GBE1: variants seen among roughly 807,000 people sequenced by gnomAD.
GBE1 encodes the protein 1,4-alpha-glucan-branching enzyme.
GBE1 carries 70 observed loss-of-function variants against 88.8 expected under a neutral mutation model. The ratio of observed to expected loss-of-function variants is 0.79; its 90% CI spans 0.65 to 0.96. GBE1 has a LOEUF of 0.96. Ranked by LOEUF, GBE1 falls within the 40% of genes least tolerant of loss-of-function variation. The pLI, the probability that GBE1 is intolerant of heterozygous loss-of-function variation, is 0.00. For synonymous variants in GBE1, 284 were observed against 300.1 expected (o/e 0.95, Z 0.56); for missense variants, 872 against 871.0 (o/e 1.00, Z -0.01).
chr3:81,708,828 A>T, intron 1 of GBE1, among the ~76,000 whole-genome samples: 1 of 152,168 alleles, frequency 6.6e-6, no homozygotes, highest in Non-Finnish European at 1.5e-5. Flanking sequence ...TATGACAACC[A>T]TCAAAAAAAA....
intron 12 of GBE1, among the ~76,000 whole-genome samples, chr3:81,574,109 T>G (rs1214364771): frequency 1.3e-5 from 2 of 152,092 alleles, no homozygotes; most frequent in African/African-American, 4.8e-5. Flanking sequence ...ATAACATAAA[T>G]TAGGAAAAGA....
intron 15 of GBE1, among the ~76,000 whole-genome samples, chr3:81,491,455 A>G (rs1389728444): frequency 1.3e-5 from 2 of 152,242 alleles, no homozygotes; most frequent in Non-Finnish European, 2.9e-5. Context: ...AACAATGAAC[A>G]AAGGAATAAT....
At chr3:81,502,079 G>A (rs559494634) in intron 14 of GBE1, among the ~76,000 whole-genome samples, 5 of 148,018 alleles carry the variant, frequency 3.4e-5, no homozygotes, top group African/African-American at 7.5e-5. Context: ...ATATTTAATC[G>A]TTATTTTCAA....
At chr3:81,555,142 C>T (rs1397274232) in intron 12 of GBE1, among the ~76,000 whole-genome samples, 1 of 152,182 alleles carries the variant, frequency 6.6e-6, no homozygotes, top group Non-Finnish European at 1.5e-5. Flanking sequence ...TCAGCTCTCT[C>T]GCTTTGCTCT....
intron 1 of GBE1, among the ~76,000 whole-genome samples, chr3:81,751,401 G>A (rs762275393): frequency 6.6e-6 from 1 of 152,218 alleles, no homozygotes; most frequent in Non-Finnish European, 1.5e-5. Flanking sequence ...AGATGTGTGT[G>A]CCACTGAAAG....
At chr3:81,504,270 A>C (rs1458251094) in intron 14 of GBE1, among the ~76,000 whole-genome samples, 1 of 151,572 alleles carries the variant, frequency 6.6e-6, no homozygotes, top group Non-Finnish European at 1.5e-5. Context: ...TAAAAATAGA[A>C]AAATCAGATA....
At chr3:81,552,006 C>A (rs1559642595) in intron 12 of GBE1, among the ~76,000 whole-genome samples, 1 of 152,112 alleles carries the variant, frequency 6.6e-6, no homozygotes, top group Non-Finnish European at 1.5e-5. Context: ...CCCAGTCCTC[C>A]CCCTGATAAA....
At chr3:81,668,442 G>C (rs1705144291) in intron 3 of GBE1, among the ~76,000 whole-genome samples, 1 of 152,208 alleles carries the variant, frequency 6.6e-6, no homozygotes, top group African/African-American at 2.4e-5. Context: ...AATGTAGGGT[G>C]AGCCAGTAAT....
At chr3:81,734,967 ACCTGGGAT>A (rs1315235835) in intron 1 of GBE1, among the ~76,000 whole-genome samples, 1 of 152,102 alleles carries the variant, frequency 6.6e-6, no homozygotes, top group East Asian at 1.9e-4. Context: ...GCTCCATCTC[ACCTGGGAT>A]CTGAATCATC....
intron 2 of GBE1, among the ~76,000 whole-genome samples, chr3:81,673,051 T>C (rs1705209957): frequency 6.6e-6 from 1 of 151,878 alleles, no homozygotes; most frequent in Non-Finnish European, 1.5e-5. Context: ...CTCTACAAGT[T>C]TGGTGCTGCT....
intron 3 of GBE1, among the ~76,000 whole-genome samples, chr3:81,657,782 C>T (rs1245243054): frequency 6.6e-6 from 1 of 152,034 alleles, no homozygotes; most frequent in African/African-American, 2.4e-5. Flanking sequence ...TTCTTTGCCT[C>T]ATAATTTAGT....
intron 3 of GBE1, among the ~76,000 whole-genome samples, chr3:81,670,082 A>G (rs182032798): frequency 6.6e-6 from 1 of 152,360 alleles, no homozygotes; most frequent in African/African-American, 2.4e-5. Flanking sequence ...TTATATGACC[A>G]TGGAGTAAAA....
At chr3:81,612,579 T>A (rs1704197603) in intron 7 of GBE1, 2 of 685,366 alleles carry the variant, frequency 2.9e-6, no homozygotes, top group Admixed American at 1.8e-5. Context: ...ACCCCCAAAT[T>A]TGGGATGTTG....
chr3:81,737,506 C>A (rs1479070175), intron 1 of GBE1, among the ~76,000 whole-genome samples: 2 of 148,496 alleles, frequency 1.3e-5, no homozygotes, highest in Non-Finnish European at 3.0e-5. Context: ...ATGTGTGCCA[C>A]AGACCACTGC....
chr3:81,513,000 G>T (rs1702745984), intron 14 of GBE1, among the ~76,000 whole-genome samples: 1 of 151,592 alleles, frequency 6.6e-6, no homozygotes, highest in South Asian at 2.1e-4. Context: ...TTATACTAGA[G>T]TTTTTCAGTT....
At position 81,586,160 on chromosome 3, in the gene GBE1, G is replaced by C; in HGVS notation, c.1267C>G (p.Pro423Ala). The change falls in exon 10 of 16, where the codon CCA becomes GCA. Residue 423 changes from proline (P) to alanine (A), a missense_variant. By Grantham distance (27) the Pro-to-Ala change is conservative (BLOSUM62 -1). Transcript: ENST00000429644. ...DVSGMPALCS[P>A]ISQGGGGFDY... ...AAACCACCCCCTCCCTGGGAAATTG[G>C]AGAGCACAGAGCTGGCATTCCTGAT... 1 of 1,608,964 alleles carries C rather than the reference G, an allele frequency of 6.2e-7. No homozygotes were observed.
At chr3:81,677,432 G>A (rs1398886875) in intron 2 of GBE1, among the ~76,000 whole-genome samples, 1 of 152,308 alleles carries the variant, frequency 6.6e-6, no homozygotes, top group East Asian at 1.9e-4. Flanking sequence ...CCACTTTGGA[G>A]CAAGGAAACA....
intron 2 of GBE1, among the ~76,000 whole-genome samples, chr3:81,672,094 T>C (rs1252306146): frequency 2.6e-5 from 4 of 151,980 alleles, no homozygotes; most frequent in Non-Finnish European, 2.9e-5. Flanking sequence ...CAATAAGATA[T>C]CATTTCGCAC....
At chr3:81,761,319 G>C (rs1483577479) in intron 1 of GBE1, 56 bp downstream of exon 1, 5 of 1,551,298 alleles carry the variant, frequency 3.2e-6, no homozygotes, top group Non-Finnish European at 4.4e-6. Context: ...GTCCCGAGAC[G>C]GCTCCTGGGA....
Sources: allele counts gnomAD v4.1 joint callset (sites outside exome capture counted in the v4.1 genomes callset), GRCh38; gene constraint gnomAD v4.1.1; transcripts MANE v1.5; gene names NCBI Gene and HGNC (gene_info 2026-07-23, HGNC 2026-07-21).